The following SPEG variants were observed in gnomAD, a reference collection of about 807,000 sequenced individuals.
SPEG encodes the protein striated muscle preferentially expressed protein kinase.
SPEG carries 114 observed loss-of-function variants against 300.4 expected under a neutral mutation model. The observed-to-expected ratio is 0.38, with a 90% CI of 0.33 to 0.44. The LOEUF (loss-of-function observed/expected upper bound fraction) is 0.44, where lower values mean the gene tolerates loss of function less well. Among genes scored for constraint, SPEG ranks in the 20% least tolerant of loss-of-function variants. The probability of loss-of-function intolerance (pLI) is 1.00; values close to 1 mark genes in which losing one functional copy is unlikely to be tolerated. For synonymous variants in SPEG, 1,964 were observed against 2,018.9 expected, an observed-to-expected ratio of 0.97 and a Z score of 0.73; for missense variants, 4,201 against 4,586.2, an observed-to-expected ratio of 0.92 and a Z score of 2.43.
chr2:219,451,122 C>A lies in SPEG; in HGVS notation c.2114-14C>A. On this transcript the variant is annotated splice_polypyrimidine_tract_variant and intron_variant, in intron 4 of 40. Coordinates refer to ENST00000312358, the MANE Select transcript of SPEG (RefSeq NM_005876.5). The surrounding 1 kb of genome is among the most constrained non-coding windows in gnomAD (Gnocchi z 6.4). ...GATCATGGCCCCTTACCCCGTTATT[C>A]CTGTGTCCGGCAGAGTCTTCGGATG... 6.2e-7 allele frequency: 1 copy of A among 1,603,436 alleles called. No homozygotes were observed. The highest frequency in any genetic ancestry group is 8.5e-7 in the Non-Finnish European group (1 of 1,175,266).
intron 6 of SPEG, among the ~76,000 whole-genome samples, chr2:219,455,146 T>C (rs571658474): frequency 9.8e-5 from 15 of 152,328 alleles, no homozygotes; most frequent in Middle Eastern, 3.4e-3. Context: ...GTAGCACTTA[T>C]TGAGTGCTTC....
intron 34 of SPEG, 71 bp downstream of exon 34, chr2:219,488,971 C>T: frequency 2.5e-6 from 4 of 1,602,658 alleles, no homozygotes; most frequent in Non-Finnish European, 3.4e-6. Flanking sequence ...AAGGCCAGTG[C>T]CCTCCCAGGC....
intron 3 of SPEG, among the ~76,000 whole-genome samples, chr2:219,446,678 C>T (rs1262852261): frequency 1.3e-5 from 2 of 152,176 alleles, no homozygotes; most frequent in Non-Finnish European, 2.9e-5. Context: ...AACCCAGACA[C>T]TTTGGAGGAA....
At position 219,445,441 on chromosome 2, in the gene SPEG, G is replaced by C. The variant is rs1689208762; in HGVS notation, c.815+280G>C. The C allele has an allele frequency of 4.0e-6, 2 of 497,624 alleles. No individual in the cohort carries two copies. The highest frequency in any genetic ancestry group is 5.1e-5 in the South Asian group (2 of 39,258). 30.8% of individuals were successfully genotyped at this position (497,624 alleles called of 1,614,324 possible). A position where few individuals can be genotyped will look rare whatever the true frequency, so the allele number is the denominator to read the frequency against. ...TTCCTTGTCTCCTCCAAGATCTCCA[G>C]TTTCTCAGGGGCCCTCTTTTGCCTC... is the stretch of plus-strand genomic sequence containing the variant. On this transcript the variant is annotated intron_variant, in intron 3 of 40. Transcript: ENST00000312358. This position sits in a 1 kb window ranked among gnomAD's most constrained non-coding sequence, Gnocchi z 6.1.
chr2:219,463,569 A>G (rs1690954435), intron 8 of SPEG, among the ~76,000 whole-genome samples: 1 of 151,074 alleles, frequency 6.6e-6, no homozygotes, highest in Admixed American at 6.6e-5. Context: ...ATGTGCCACC[A>G]CACCCAGCTA....
chr2:219,436,625 G>A (rs1222522384), intron 1 of SPEG, among the ~76,000 whole-genome samples: 1 of 152,224 alleles, frequency 6.6e-6, no homozygotes, highest in Non-Finnish European at 1.5e-5. Flanking sequence ...AGGAGAGGGA[G>A]CCGGGCTGGC....
At chr2:219,457,336 A>G (rs1434407299) in intron 6 of SPEG, among the ~76,000 whole-genome samples, 1 of 152,144 alleles carries the variant, frequency 6.6e-6, no homozygotes, top group Non-Finnish European at 1.5e-5. Flanking sequence ...TAATCCTAGC[A>G]CTTTGGGAGG....
chr2:219,474,689 C>T (rs1692184563), intron 18 of SPEG, among the ~76,000 whole-genome samples: 1 of 152,108 alleles, frequency 6.6e-6, no homozygotes, highest in Non-Finnish European at 1.5e-5. Context: ...TTTAAAGAAA[C>T]CCATGGGCAC....
chr2:219,436,126 A>T (rs937915938), intron 1 of SPEG, among the ~76,000 whole-genome samples: 17 of 152,166 alleles, frequency 1.1e-4, no homozygotes, highest in Admixed American at 1.1e-3. Flanking sequence ...TCCAGAGTGG[A>T]TGTTTCCAGA....
At chr2:219,482,911 T>A in intron 29 of SPEG, 59 bp downstream of exon 29, 1 of 1,553,970 alleles carries the variant, frequency 6.4e-7, no homozygotes, top group Non-Finnish European at 8.9e-7. Context: ...TAGCACTGCC[T>A]TCCCCCTCCC....
chr2:219,462,379 G>A lies in SPEG; in HGVS notation c.2698G>A (p.Val900Ile), dbSNP rs2125405321. 1 of 1,557,752 alleles carries A rather than the reference G, an allele frequency of 6.4e-7. No homozygotes were observed. Among genetic ancestry groups the A allele is most frequent in the Non-Finnish European group, 8.7e-7 (1 of 1,150,232 alleles). ...IRVQGEPKPV[V>I]SWLRNRQPVR... ...CGTGCAGGGGGAGCCCAAGCCTGTGGTCTCCTGGTGAGTAGCCGCACTTTC... is the reference window on the plus strand; with the variant it reads ...CGTGCAGGGGGAGCCCAAGCCTGTGATCTCCTGGTGAGTAGCCGCACTTTC... The change falls in exon 8 of 41, where the codon GTC (valine) becomes ATC (isoleucine). Residue 900 changes from valine to isoleucine, a missense_variant. Around this residue, in one of 4 missense-constraint regions of SPEG, gnomAD observed 1,047 missense variants for 1,356.8 expected, o/e 0.77. Coordinates refer to ENST00000312358, the MANE Select transcript of SPEG (RefSeq NM_005876.5).
In SPEG at chr2:219,444,268, G is replaced by T. The variant is rs1292639424; in HGVS notation, c.389-385G>T. Among the ~76,000 whole-genome samples, 1 of 152,168 alleles carries T rather than the reference G, an allele frequency of 6.6e-6. No individual in the cohort carries two copies. The highest frequency in any genetic ancestry group is 1.5e-5 in the Non-Finnish European group (1 of 68,034). ...CTGGGGTACTGGAACCCAGACTTTA[G>T]AGCCTTGGAACCTAGGACCTGATGA... On this transcript the variant is annotated intron_variant, in intron 1 of 40. Transcript: ENST00000312358. The surrounding 1 kb of genome is among the most constrained non-coding windows in gnomAD (Gnocchi z 7.8).
rs1691090013 is a variant in SPEG at position 219,464,644 on chromosome 2, C to T, written c.2881+36C>T. 6.3e-7 allele frequency: 1 copy of T among 1,596,194 alleles called. No homozygotes were observed. Among genetic ancestry groups the T allele is most frequent in the Non-Finnish European group, 8.6e-7 (1 of 1,165,578 alleles). ...GATTTCTCCATGAATGCCCACCTGG[C>T]CCTGGCCCCTTCCTTCCCCCACTGT... On this transcript the variant is annotated intron_variant, in intron 9 of 40. Coordinates refer to ENST00000312358, the MANE Select transcript of SPEG (RefSeq NM_005876.5). This position sits in a 1 kb window ranked among gnomAD's most constrained non-coding sequence, Gnocchi z 4.5.
At chr2:219,447,886 T>C (rs1349122032) in intron 3 of SPEG, 88 bp from the exon 4 acceptor site, 7 of 1,275,690 alleles carry the variant, frequency 5.5e-6, no homozygotes, top group Non-Finnish European at 7.7e-6. Flanking sequence ...CTGCCCAGCA[T>C]GCCCACCACC....
rs199818831 is a variant in SPEG at position 219,467,154 on chromosome 2, C to T, written c.2882-20C>T. ...GTGTCTCTGCTCTGTGCGTGGCCCC[C>T]GTGGCTGCTTTCCCCTCAGCACACC... On this transcript the variant is annotated intron_variant, in intron 9 of 40. Transcript: ENST00000312358. 5.4e-5 allele frequency: 84 copies of T among 1,557,458 alleles called. No individual in the cohort carries two copies. Among genetic ancestry groups the T allele is most frequent in the South Asian group, 3.9e-4 (33 of 83,840 alleles).
At position 219,479,027 on chromosome 2, in the gene SPEG, G is replaced by C; in HGVS notation, c.5028-117G>C. 1 of 856,962 alleles carries C rather than the reference G, an allele frequency of 1.2e-6. No individual in the cohort carries two copies. The highest frequency in any genetic ancestry group is 1.9e-6 in the Non-Finnish European group (1 of 523,340). The allele number at this position is 856,962 out of a possible 1,614,324, so 53.1% of individuals were successfully genotyped here. A position where few individuals can be genotyped will look rare whatever the true frequency, so the allele number is the denominator to read the frequency against. ...GGAGCGGAGAGGCAGTCTCTGGCTA[G>C]TATCAAGCATTCTGTAAGGGGAAGG... On this transcript the variant is annotated intron_variant, in intron 22 of 40. Coordinates refer to ENST00000312358, the MANE Select transcript of SPEG (RefSeq NM_005876.5). This position sits in a 1 kb window ranked among gnomAD's most constrained non-coding sequence, Gnocchi z 5.5.
intron 18 of SPEG, among the ~76,000 whole-genome samples, chr2:219,476,198 G>A (rs1468237614): frequency 2.0e-5 from 3 of 151,212 alleles, no homozygotes; most frequent in African/African-American, 4.9e-5. Flanking sequence ...GGGAGATACT[G>A]AGAGTCCATT....
intron 6 of SPEG, chr2:219,461,154 C>T (rs1267740864): frequency 2.1e-6 from 2 of 940,654 alleles, no homozygotes; most frequent in Non-Finnish European, 2.5e-6. Flanking sequence ...GCGTCAGGGC[C>T]CTGGGGACAC....
intron 3 of SPEG, among the ~76,000 whole-genome samples, chr2:219,447,728 G>C (rs1689417165): frequency 6.6e-6 from 1 of 151,924 alleles, no homozygotes; most frequent in African/African-American, 2.4e-5. Context: ...CCCGAGTCCT[G>C]GGGCTGAGTC....
Sources: gnomAD v4.1 joint callset for allele counts (sites outside exome capture counted in the v4.1 genomes callset) on GRCh38, gnomAD v4.1.1 for gene constraint, gnomAD v4.1.1 regional missense constraint, Gnocchi (gnomAD v3.1) non-coding constraint, MANE v1.5 for transcripts, NCBI Gene and HGNC (gene_info 2026-07-23, HGNC 2026-07-21) for gene names.